Variants in APBB1IP observed in about 807,000 individuals in gnomAD.
APBB1IP encodes the protein amyloid beta precursor protein binding family B member 1 interacting protein.
In APBB1IP, 27 loss-of-function variants were observed where a neutral mutation model predicts 64.9. The ratio of observed to expected loss-of-function variants is 0.42; its 90% CI spans 0.31 to 0.57. APBB1IP has a LOEUF of 0.57. APBB1IP is among the 20% of genes least tolerant of loss of function. The probability of loss-of-function intolerance (pLI) is 0.20; values close to 1 mark genes in which losing one functional copy is unlikely to be tolerated. For synonymous variants in APBB1IP, 392 were observed against 331.0 expected (o/e 1.18, Z -2.00); for missense variants, 812 against 845.5 (o/e 0.96, Z 0.49).
At chr10:26,480,752 C>T (rs968703143) in intron 2 of APBB1IP, among the ~76,000 whole-genome samples, 1 of 150,654 alleles carries the variant, frequency 6.6e-6, no homozygotes, top group African/African-American at 2.4e-5. Flanking sequence ...CAGGCATGAG[C>T]CACCATACAC....
intron 8 of APBB1IP, among the ~76,000 whole-genome samples, chr10:26,524,089 C>T (rs902809737): frequency 1.3e-5 from 2 of 152,094 alleles, no homozygotes; most frequent in Admixed American, 1.3e-4. Flanking sequence ...TCTAAGAAGC[C>T]AGACGATCTC....
intron 2 of APBB1IP, among the ~76,000 whole-genome samples, chr10:26,472,569 T>TTTCTTTCA (rs1554774047): frequency 2.7e-5 from 4 of 149,536 alleles, no homozygotes; most frequent in Admixed American, 2.6e-4. Context: ...ATCGTGTTTG[T>TTTCTTTCA]TTCATTCATT....
Position 26,519,189 on chromosome 10 carries a change from T to C in APBB1IP, c.813+5529T>C, listed in dbSNP as rs545646025. 2.6e-5 allele frequency among the ~76,000 whole-genome samples: 4 copies of C among 151,174 alleles called. No homozygotes were observed. The South Asian group carries it at 8.4e-4, about 32-fold the overall frequency. On this transcript the variant is annotated intron_variant, in intron 8 of 14. Transcript: ENST00000376236. ...ATCTGTAATCTCAGCTACTAGGGAGTCTGAGGCAGGAGAATCACTTGAACC... is the reference window on the plus strand; with the variant it reads ...ATCTGTAATCTCAGCTACTAGGGAGCCTGAGGCAGGAGAATCACTTGAACC...
intron 2 of APBB1IP, among the ~76,000 whole-genome samples, chr10:26,447,165 A>G (rs1835408828): frequency 6.6e-6 from 1 of 151,886 alleles, no homozygotes; most frequent in Non-Finnish European, 1.5e-5. Context: ...CGAGGTCAGG[A>G]GATCGAGACC....
At chr10:26,483,019 G>A (rs773575638) in intron 2 of APBB1IP, among the ~76,000 whole-genome samples, 6 of 147,596 alleles carry the variant, frequency 4.1e-5, no homozygotes, top group Admixed American at 3.4e-4. Context: ...TGAACTGGGA[G>A]GTGGAGGTTG....
chr10:26,517,970 T>A (rs1304824931), intron 8 of APBB1IP, among the ~76,000 whole-genome samples: 1 of 152,174 alleles, frequency 6.6e-6, no homozygotes, highest in East Asian at 1.9e-4. Flanking sequence ...TTATTTCATT[T>A]TTGGGATTGA....
intron 11 of APBB1IP, among the ~76,000 whole-genome samples, chr10:26,545,245 T>C (rs1404071427): frequency 6.6e-6 from 1 of 152,258 alleles, no homozygotes; most frequent in African/African-American, 2.4e-5. Context: ...AAACTCTTGC[T>C]ATTCTTTATT....
At chr10:26,499,829 T>G (rs1412967617) in intron 4 of APBB1IP, among the ~76,000 whole-genome samples, 1 of 152,228 alleles carries the variant, frequency 6.6e-6, no homozygotes, top group Non-Finnish European at 1.5e-5. Context: ...AACTCCCAGC[T>G]TACTGTCTTC....
At chr10:26,565,724 A>G (rs913101746) in intron 14 of APBB1IP, among the ~76,000 whole-genome samples, 1 of 152,174 alleles carries the variant, frequency 6.6e-6, no homozygotes, top group Non-Finnish European at 1.5e-5. Flanking sequence ...CACCATGAAG[A>G]TGGTGACTAG....
intron 10 of APBB1IP, among the ~76,000 whole-genome samples, chr10:26,537,351 T>C (rs1836638300): frequency 6.6e-6 from 1 of 152,172 alleles, no homozygotes; most frequent in Non-Finnish European, 1.5e-5. Context: ...CCAGGTCTGC[T>C]ACCTCCAGTA....
chr10:26,536,325 C>T, intron 10 of APBB1IP, 108 bp downstream of exon 10: 1 of 1,239,486 alleles, frequency 8.1e-7, no homozygotes, highest in South Asian at 1.6e-5. Context: ...GCTGCAGATT[C>T]CATAATCCTG....
chr10:26,476,474 GAA>G (rs1367138123), intron 2 of APBB1IP, among the ~76,000 whole-genome samples: 71 of 127,448 alleles, frequency 5.6e-4, no homozygotes, highest in Non-Finnish European at 3.2e-4. Flanking sequence ...AAGAAGAAAA[GAA>G]AAGAAAGGAA....
intron 2 of APBB1IP, among the ~76,000 whole-genome samples, chr10:26,490,394 G>A (rs1175728278): frequency 2.6e-5 from 4 of 152,292 alleles, no homozygotes; most frequent in African/African-American, 9.6e-5. Context: ...GGAAGCAGAG[G>A]CGGGCGGATC....
chr10:26,489,015 C>T (rs1835925131), intron 2 of APBB1IP, among the ~76,000 whole-genome samples: 1 of 152,126 alleles, frequency 6.6e-6, no homozygotes, highest in African/African-American at 2.4e-5. Context: ...AACTAAAGAC[C>T]CCTTCTTGTA....
chr10:26,507,576 G>A (rs113081685), intron 6 of APBB1IP, among the ~76,000 whole-genome samples: 1,853 of 152,226 alleles, frequency 0.012, 44 homozygotes, highest in African/African-American at 0.042. Flanking sequence ...CAGGATTGTA[G>A]CACAAAATCT....
At chr10:26,469,877 G>A (rs1305490347) in intron 2 of APBB1IP, among the ~76,000 whole-genome samples, 2 of 152,150 alleles carry the variant, frequency 1.3e-5, no homozygotes, top group African/African-American at 4.8e-5. Flanking sequence ...TTGATTTTCT[G>A]TTCCTGTATT....
At chr10:26,503,784 G>A (rs1411030856) in intron 6 of APBB1IP, among the ~76,000 whole-genome samples, 1 of 152,198 alleles carries the variant, frequency 6.6e-6, no homozygotes, top group Admixed American at 6.6e-5. Context: ...TGATAAATAA[G>A]GGACTTGTGT....
intron 2 of APBB1IP, 56 bp from the exon 3 acceptor site, chr10:26,492,271 A>C: frequency 5.4e-6 from 8 of 1,472,198 alleles, no homozygotes; most frequent in Non-Finnish European, 7.6e-6. Flanking sequence ...TGCAAAGAGT[A>C]TCCTAGGATC....
At chr10:26,519,176 A>T (rs1158722446) in intron 8 of APBB1IP, among the ~76,000 whole-genome samples, 2 of 152,124 alleles carry the variant, frequency 1.3e-5, no homozygotes. Flanking sequence ...CTGTAATCTC[A>T]GCTACTAGGG....
Sources: gnomAD v4.1 joint callset for allele counts (sites outside exome capture counted in the v4.1 genomes callset) on GRCh38, gnomAD v4.1.1 for gene constraint, MANE v1.5 for transcripts, NCBI Gene and HGNC (gene_info 2026-07-23, HGNC 2026-07-21) for gene names.